RABGAP1: variants seen among roughly 807,000 people sequenced by gnomAD.
RABGAP1 encodes the protein rab GTPase-activating protein 1.
Under a neutral mutation model 137.6 loss-of-function variants are expected in RABGAP1, and 23 were observed. The observed-to-expected ratio is 0.17, with a 90% CI of 0.12 to 0.24. The LOEUF (loss-of-function observed/expected upper bound fraction) is 0.24, where lower values mean the gene tolerates loss of function less well. RABGAP1 is among the 10% of genes least tolerant of loss of function. RABGAP1 has a pLI of 1.00. For synonymous variants in RABGAP1, 451 were observed against 450.7 expected (o/e 1.00, Z -0.01); for missense variants, 906 against 1,275.8 (o/e 0.71, Z 4.42).
chr9:123,035,122 C>T (rs955445112), intron 13 of RABGAP1: 1 of 1,613,768 alleles, frequency 6.2e-7, no homozygotes, highest in Non-Finnish European at 8.5e-7. Flanking sequence ...GGAGTCCTGG[C>T]ACACCGACTC....
At chr9:123,039,803 A>G (rs543171537) in intron 13 of RABGAP1, among the ~76,000 whole-genome samples, 1 of 152,282 alleles carries the variant, frequency 6.6e-6, no homozygotes, top group East Asian at 1.9e-4. Flanking sequence ...AGGCCAAAGG[A>G]ACTATAGAAA....
Position 122,986,335 on chromosome 9 carries a change from G to A in RABGAP1, c.506G>A (p.Arg169Lys), listed in dbSNP as rs75491024. Residue 169 changes from arginine (R) to lysine (K), a missense_variant, in exon 4 of 26, where the codon AGG (arginine) becomes AAG (lysine). Transcript: ENST00000373647. ...CCCAGGAGTGAAGTGGAAGCCTTAA[G>A]GATGATGTCCATCTTAAGAAGCCAG... ...NAPRSEVEAL[R>K]MMSILRSQCQ... The A allele has an allele frequency of 3.7e-6, 6 of 1,614,086 alleles. No homozygotes were observed. The East Asian group carries it at 1.3e-4, about 36-fold the overall frequency.
chr9:123,027,531 C>G (rs570843084), intron 13 of RABGAP1, among the ~76,000 whole-genome samples: 1 of 152,268 alleles, frequency 6.6e-6, no homozygotes, highest in South Asian at 2.1e-4. Flanking sequence ...GATTGTTTTG[C>G]TTTTTAATTA....
At chr9:123,035,508 A>G in intron 13 of RABGAP1, 2 of 1,613,752 alleles carry the variant, frequency 1.2e-6, no homozygotes, top group Non-Finnish European at 1.7e-6. Context: ...TCCAAAGAGG[A>G]CTAAAGCGCC....
chr9:123,073,055 G>A (rs1164737060), intron 15 of RABGAP1, among the ~76,000 whole-genome samples: 1 of 152,174 alleles, frequency 6.6e-6, no homozygotes, highest in Non-Finnish European at 1.5e-5. Flanking sequence ...TCTAAAACAA[G>A]CTATATTTTT....
intron 2 of RABGAP1, among the ~76,000 whole-genome samples, chr9:122,974,555 G>T (rs1475178181): frequency 6.6e-6 from 1 of 151,856 alleles, no homozygotes; most frequent in Non-Finnish European, 1.5e-5. Flanking sequence ...ACTTTGGGAG[G>T]TGGAGGCAGG....
chr9:123,089,618 C>T, intron 19 of RABGAP1, 140 bp from the exon 20 acceptor site: 1 of 645,644 alleles, frequency 1.5e-6, no homozygotes, highest in Non-Finnish European at 2.7e-6. Flanking sequence ...CTGATGATTT[C>T]CCTCCAAAAA....
chr9:122,975,828 T>C (rs184044966), intron 2 of RABGAP1, among the ~76,000 whole-genome samples: 159 of 152,342 alleles, frequency 1.0e-3, no homozygotes, highest in African/African-American at 3.4e-3. Flanking sequence ...TCCTGTGAGA[T>C]AGATATTAAC....
intron 13 of RABGAP1, among the ~76,000 whole-genome samples, chr9:123,058,611 A>G (rs1327169472): frequency 6.6e-6 from 1 of 152,074 alleles, no homozygotes; most frequent in Non-Finnish European, 1.5e-5. Context: ...TTTGGGAAAG[A>G]GATTTGGATT....
At chr9:122,996,345 A>G in intron 7 of RABGAP1, 194 bp downstream of exon 7, 1 of 1,185,748 alleles carries the variant, frequency 8.4e-7, no homozygotes, top group East Asian at 2.6e-5. Flanking sequence ...GCTCTCTTCA[A>G]CTATGTGGTA....
chr9:123,047,874 A>C lies in RABGAP1; in HGVS notation c.1795-17474A>C, dbSNP rs916432536. ...CACAGATTTTCATTTAATATTTGTT[A>C]ATTGTTATAAGAGCAAAAATATCTA... On this transcript the variant is annotated intron_variant, in intron 13 of 25. Transcript: ENST00000373647. 1.2e-3 allele frequency among the ~76,000 whole-genome samples: 169 copies of C among 142,768 alleles called. 3 individuals are homozygous for C. Among genetic ancestry groups the C allele is most frequent in the Admixed American group, 0.012 (169 of 14,286 alleles). 93.7% of individuals were successfully genotyped at this position (142,768 alleles called of 152,430 possible).
intron 21 of RABGAP1, 92 bp downstream of exon 21, chr9:123,090,477 T>C (rs1588404887): frequency 9.7e-7 from 1 of 1,030,584 alleles, no homozygotes; most frequent in East Asian, 2.8e-5. Context: ...ATTGTTATTC[T>C]AGCCACCTGT....
chr9:123,101,618 G>T lies in RABGAP1; in HGVS notation c.2942G>T (p.Arg981Leu). The change falls in exon 25 of 26, where the codon CGT becomes CTT. Residue 981 changes from arginine (R) to leucine (L), a missense_variant. Around this residue, in one of 9 missense-constraint regions of RABGAP1, gnomAD observed 193 missense variants for 248.1 expected, o/e 0.78. Coordinates refer to ENST00000373647, the MANE Select transcript of RABGAP1 (RefSeq NM_012197.4). ...CGGGAATTTTTCAACAAAGAAGGGC[G>T]TGTAAAAGGCATAAGCTCAACCAAG... Reference protein sequence around the residue: ...RCREFFNKEGRVKGISSTKEV... With the variant: ...RCREFFNKEGLVKGISSTKEV... The T allele has an allele frequency of 6.2e-7, 1 of 1,614,106 alleles. No homozygotes were observed. The highest frequency in any genetic ancestry group is 8.5e-7 in the Non-Finnish European group (1 of 1,180,008).
Position 123,097,852 on chromosome 9 carries a change from G to C in RABGAP1, c.2733+7G>C. On this transcript the variant is annotated splice_region_variant and intron_variant, in intron 22 of 25. Coordinates refer to ENST00000373647, the MANE Select transcript of RABGAP1 (RefSeq NM_012197.4). ...GGAAGAAGAGTCTGCTCAGGTAAGG[G>C]AACTCTCCCACATTCCTCTGTCTTG... 1 of 1,607,752 alleles carries C rather than the reference G, an allele frequency of 6.2e-7. No individual in the cohort carries two copies. Among genetic ancestry groups the C allele is most frequent in the Non-Finnish European group, 8.5e-7 (1 of 1,177,784 alleles).
At chr9:123,035,046 C>G (rs746696391) in intron 13 of RABGAP1, 7 of 1,614,058 alleles carry the variant, frequency 4.3e-6, no homozygotes, top group Non-Finnish European at 4.2e-6. Flanking sequence ...CGACCCTGGT[C>G]TTCCTGCCTT....
intron 13 of RABGAP1, among the ~76,000 whole-genome samples, chr9:123,052,071 C>T (rs774132937): frequency 3.2e-4 from 49 of 151,626 alleles, no homozygotes; most frequent in Non-Finnish European, 6.2e-4. Context: ...TCCCAAAGTA[C>T]TGGGATTACA....
At chr9:123,077,526 A>G (rs758439920) in intron 19 of RABGAP1, among the ~76,000 whole-genome samples, 1 of 152,198 alleles carries the variant, frequency 6.6e-6, no homozygotes, top group South Asian at 2.1e-4. Context: ...ACTCAGTTTT[A>G]TCACTTCAAG....
chr9:122,999,649 A>G (rs1244699154), intron 10 of RABGAP1, among the ~76,000 whole-genome samples: 1 of 151,434 alleles, frequency 6.6e-6, no homozygotes, highest in Admixed American at 6.6e-5. Context: ...CTTTCCGTTT[A>G]TCCTGCTTGG....
intron 2 of RABGAP1, among the ~76,000 whole-genome samples, chr9:122,983,027 A>T (rs926413407): frequency 1.3e-5 from 2 of 151,856 alleles, no homozygotes; most frequent in African/African-American, 4.8e-5. Context: ...GCTACCATGC[A>T]CGGCTAATTT....
Sources: gnomAD v4.1 joint callset for allele counts (sites outside exome capture counted in the v4.1 genomes callset) on GRCh38, gnomAD v4.1.1 for gene constraint, gnomAD v4.1.1 regional missense constraint, MANE v1.5 for transcripts, NCBI Gene and HGNC (gene_info 2026-07-23, HGNC 2026-07-21) for gene names.